The following TBC1D19 variants were observed in gnomAD, a reference collection of about 807,000 sequenced individuals.
TBC1D19 encodes TBC1 domain family, member 19.
TBC1D19 carries 60 observed loss-of-function variants against 89.0 expected under a neutral mutation model. The ratio of observed to expected loss-of-function variants is 0.67; its 90% CI spans 0.55 to 0.84. The LOEUF (loss-of-function observed/expected upper bound fraction) is 0.84, where lower values mean the gene tolerates loss of function less well. Among genes scored for constraint, TBC1D19 ranks in the 40% least tolerant of loss-of-function variants. The pLI, the probability that TBC1D19 is intolerant of heterozygous loss-of-function variation, is 0.00. For synonymous variants in TBC1D19, 189 were observed against 199.7 expected, an observed-to-expected ratio of 0.95 and a Z score of 0.45; for missense variants, 500 against 610.8, an observed-to-expected ratio of 0.82 and a Z score of 1.91.
chr4:26,646,784 A>G (rs932710730), intron 7 of TBC1D19, among the ~76,000 whole-genome samples: 1 of 152,066 alleles, frequency 6.6e-6, no homozygotes, highest in Non-Finnish European at 1.5e-5. Flanking sequence ...AACATCACAC[A>G]CTGAGGTGGG....
chr4:26,612,065 T>C (rs1560416851), intron 1 of TBC1D19, among the ~76,000 whole-genome samples: 1 of 152,016 alleles, frequency 6.6e-6, no homozygotes, highest in Non-Finnish European at 1.5e-5. Flanking sequence ...CTACATCAGA[T>C]AGTCAGTTGC....
chr4:26,663,366 T>G (rs1310709044), intron 8 of TBC1D19, among the ~76,000 whole-genome samples: 1 of 152,198 alleles, frequency 6.6e-6, no homozygotes, highest in Non-Finnish European at 1.5e-5. Flanking sequence ...GGAAAGAATG[T>G]GCATGAGCTA....
At chr4:26,675,597 T>A (rs1207167916) in intron 11 of TBC1D19, among the ~76,000 whole-genome samples, 1 of 152,128 alleles carries the variant, frequency 6.6e-6, no homozygotes, top group Non-Finnish European at 1.5e-5. Flanking sequence ...CCCAATGAAC[T>A]ATAGCAGTTC....
intron 14 of TBC1D19, 32 bp downstream of exon 14, chr4:26,718,049 A>G: frequency 1.3e-6 from 2 of 1,497,302 alleles, no homozygotes; most frequent in Non-Finnish European, 1.9e-6. Context: ...GGAAGTATTA[A>G]GACTTACATA....
At chr4:26,650,293 C>A (rs999419419) in intron 7 of TBC1D19, among the ~76,000 whole-genome samples, 1 of 152,122 alleles carries the variant, frequency 6.6e-6, no homozygotes, top group Non-Finnish European at 1.5e-5. Context: ...GCCACACTGA[C>A]TTCCACAATG....
chr4:26,724,042 A>G (rs1717143887), intron 15 of TBC1D19, among the ~76,000 whole-genome samples: 1 of 152,246 alleles, frequency 6.6e-6, no homozygotes, highest in African/African-American at 2.4e-5. Context: ...GACAGACTAT[A>G]TGGAGTATGC....
the TBC1D19 span, among the ~76,000 whole-genome samples, chr4:26,841,136 G>A: frequency 6.6e-6 from 1 of 152,206 alleles, no homozygotes; most frequent in Non-Finnish European, 1.5e-5. Flanking sequence ...CAGCACTTTT[G>A]GAGGCTAAGG....
intron 8 of TBC1D19, among the ~76,000 whole-genome samples, chr4:26,664,080 A>G (rs1226880683): frequency 1.3e-5 from 2 of 152,184 alleles, no homozygotes; most frequent in African/African-American, 2.4e-5. Flanking sequence ...GCAGAGTGCA[A>G]ATGTGTGTAA....
intron 1 of TBC1D19, among the ~76,000 whole-genome samples, chr4:26,588,042 T>C (rs1739527454): frequency 1.3e-5 from 2 of 150,580 alleles, no homozygotes; most frequent in Non-Finnish European, 3.0e-5. Context: ...TTTTTTTTTT[T>C]TGAGGTGAAA....
intron 7 of TBC1D19, among the ~76,000 whole-genome samples, chr4:26,645,979 C>A (rs1342836489): frequency 3.0e-4 from 46 of 151,358 alleles, no homozygotes; most frequent in African/African-American, 9.7e-4. Context: ...AAAAATTAGC[C>A]GGGCGTAGTG....
At chr4:26,699,716 A>G (rs1318189283) in intron 13 of TBC1D19, among the ~76,000 whole-genome samples, 1 of 152,154 alleles carries the variant, frequency 6.6e-6, no homozygotes, top group Non-Finnish European at 1.5e-5. Context: ...CTTTGTAGAG[A>G]CATGAATGAA....
chr4:26,842,633 T>TTTCTTTCC, the TBC1D19 span, among the ~76,000 whole-genome samples: 1 of 146,470 alleles, frequency 6.8e-6, no homozygotes, highest in African/African-American at 2.6e-5. Flanking sequence ...TCTTTCTTTC[T>TTTCTTTCC]TTCTTTCTTT....
chr4:26,839,238 A>AGGAGGAAC, the TBC1D19 span, among the ~76,000 whole-genome samples: 1 of 152,156 alleles, frequency 6.6e-6, no homozygotes, highest in African/African-American at 2.4e-5. Context: ...CGATGTCGTC[A>AGGAGGAAC]TAGGATAAAA....
chr4:26,830,725 T>C, the TBC1D19 span, among the ~76,000 whole-genome samples: 1 of 152,156 alleles, frequency 6.6e-6, no homozygotes, highest in East Asian at 1.9e-4. Context: ...AATAAAGTGA[T>C]TGAGATGTGA....
chr4:26,797,344 A>G, the TBC1D19 span, among the ~76,000 whole-genome samples: 2 of 152,098 alleles, frequency 1.3e-5, no homozygotes, highest in Middle Eastern at 3.2e-3. Flanking sequence ...CAAAGAAGTA[A>G]AAGATCTCTA....
chr4:26,728,009 A>T (rs1717417020), intron 15 of TBC1D19, among the ~76,000 whole-genome samples: 1 of 152,232 alleles, frequency 6.6e-6, no homozygotes, highest in African/African-American at 2.4e-5. Context: ...AAAAGTGGTT[A>T]AACATGACTC....
At chr4:26,638,693 T>C in intron 5 of TBC1D19, 78 bp from the exon 6 acceptor site, 1 of 1,102,566 alleles carries the variant, frequency 9.1e-7, no homozygotes. Flanking sequence ...TTTAAATAAG[T>C]TATTGATTCT....
At chr4:26,662,445 T>G (rs906224312) in intron 8 of TBC1D19, among the ~76,000 whole-genome samples, 4 of 152,124 alleles carry the variant, frequency 2.6e-5, no homozygotes, top group Admixed American at 6.6e-5. Flanking sequence ...GGAAAAGATT[T>G]CTTAAATTAC....
the TBC1D19 span, among the ~76,000 whole-genome samples, chr4:26,832,327 G>A: frequency 2.2e-4 from 33 of 152,114 alleles, no homozygotes; most frequent in African/African-American, 7.5e-4. Flanking sequence ...TCTGGAAACC[G>A]GATACCTTTT....
Sources: gnomAD v4.1 joint callset for allele counts (sites outside exome capture counted in the v4.1 genomes callset) on GRCh38, gnomAD v4.1.1 for gene constraint, MANE v1.5 for transcripts, NCBI Gene and HGNC (gene_info 2026-07-23, HGNC 2026-07-21) for gene names.